Variants in VCF1 observed in about 807,000 individuals in gnomAD.
VCF1 encodes the protein protein VCF1.
chr17:73,216,415 G>C, the VCF1 span, among the ~76,000 whole-genome samples: 1 of 152,194 alleles, frequency 6.6e-6, no homozygotes, highest in Non-Finnish European at 1.5e-5. Flanking sequence ...AGGATCCAGA[G>C]AGTAAGGGAG....
chr17:73,210,748 T>C, the VCF1 span, among the ~76,000 whole-genome samples: 5 of 142,690 alleles, frequency 3.5e-5, no homozygotes, highest in South Asian at 1.1e-3. Flanking sequence ...TACGCCACCA[T>C]GCCTCGTTAT....
At chr17:73,219,281 A>G in the VCF1 span, among the ~76,000 whole-genome samples, 1 of 151,888 alleles carries the variant, frequency 6.6e-6, no homozygotes, top group Non-Finnish European at 1.5e-5. Flanking sequence ...TCAAGGACTT[A>G]AACTGTAAGC....
At chr17:73,227,091 T>C in the VCF1 span, 1 of 1,099,800 alleles carries the variant, frequency 9.1e-7, no homozygotes. Context: ...TTAAGTAAAT[T>C]TAATTACACA....
the VCF1 span, among the ~76,000 whole-genome samples, chr17:73,223,104 G>A: frequency 8.5e-5 from 13 of 152,328 alleles, no homozygotes; most frequent in African/African-American, 3.1e-4. Flanking sequence ...GATCACCTGA[G>A]GTCAGGAATT....
chr17:73,225,352 CTAAA>C, the VCF1 span, among the ~76,000 whole-genome samples: 1,530 of 152,016 alleles, frequency 0.01, 31 homozygotes, highest in African/African-American at 0.035. Context: ...GTACCAAAAA[CTAAA>C]TAAATAAATA....
At chr17:73,223,332 A>G in the VCF1 span, among the ~76,000 whole-genome samples, 1 of 152,300 alleles carries the variant, frequency 6.6e-6, no homozygotes, top group South Asian at 2.1e-4. Context: ...AACAATAAAC[A>G]ATAAAAAAAT....
chr17:73,208,233 C>A, the VCF1 span: 8 of 1,606,202 alleles, frequency 5.0e-6, no homozygotes, highest in Non-Finnish European at 6.8e-6. Flanking sequence ...CGTGTGGACT[C>A]CGAGTGGCGT....
the VCF1 span, chr17:73,229,327 T>C: frequency 3.0e-6 from 3 of 985,468 alleles, no homozygotes; most frequent in Non-Finnish European, 3.6e-6. Context: ...CTGGCAAGAT[T>C]ACAGCTTCAT....
chr17:73,219,792 G>A, the VCF1 span, among the ~76,000 whole-genome samples: 11 of 152,140 alleles, frequency 7.2e-5, no homozygotes, highest in African/African-American at 2.7e-4. Context: ...GGGCAACATG[G>A]TGAAAACCTG....
the VCF1 span, among the ~76,000 whole-genome samples, chr17:73,219,442 G>T: frequency 3.3e-5 from 5 of 151,828 alleles, no homozygotes; most frequent in Admixed American, 2.6e-4. Context: ...GAGGTCAGGA[G>T]ATTGAGACCA....
the VCF1 span, among the ~76,000 whole-genome samples, chr17:73,214,926 C>T: frequency 1.4e-4 from 21 of 152,350 alleles, no homozygotes; most frequent in Non-Finnish European, 1.9e-4. Flanking sequence ...ACCAAATCAA[C>T]GGTTACAAAG....
At chr17:73,210,880 T>C in the VCF1 span, among the ~76,000 whole-genome samples, 1 of 151,752 alleles carries the variant, frequency 6.6e-6, no homozygotes, top group Non-Finnish European at 1.5e-5. Context: ...GCAGGAAAGA[T>C]TACAGGCATG....
At chr17:73,227,224 G>T in the VCF1 span, 6 of 1,581,856 alleles carry the variant, frequency 3.8e-6, no homozygotes, top group Non-Finnish European at 5.2e-6. Context: ...GTCTGGGGGG[G>T]AAGATGGTTG....
the VCF1 span, chr17:73,212,627 C>A: frequency 1.4e-6 from 2 of 1,476,980 alleles, no homozygotes; most frequent in Non-Finnish European, 1.9e-6. Flanking sequence ...TTGCACCTTG[C>A]GAATCATGAA....
the VCF1 span, among the ~76,000 whole-genome samples, chr17:73,224,870 G>GCACAGCACAGCACAGC: frequency 2.2e-5 from 1 of 46,488 alleles, no homozygotes; most frequent in African/African-American, 7.3e-5. Flanking sequence ...GACAGCACAG[G>GCACAGCACAGCACAGC]ACAGGACAGC....
At chr17:73,228,995 T>C in the VCF1 span, among the ~76,000 whole-genome samples, 3 of 152,188 alleles carry the variant, frequency 2.0e-5, no homozygotes, top group South Asian at 6.2e-4. Flanking sequence ...TCTCCTCATT[T>C]ATAATGGGGG....
chr17:73,221,744 TAGCCA>T, the VCF1 span, among the ~76,000 whole-genome samples: 1 of 151,864 alleles, frequency 6.6e-6, no homozygotes, highest in Non-Finnish European at 1.5e-5. Context: ...ATTTTAAAAC[TAGCCA>T]GGTGGGCCGG....
At chr17:73,227,515 T>A in the VCF1 span, 98 of 705,864 alleles carry the variant, frequency 1.4e-4, 1 homozygote, top group South Asian at 2.1e-3. Flanking sequence ...AGCTTAACAA[T>A]TTTAAATGTC....
chr17:73,220,368 T>G, the VCF1 span, among the ~76,000 whole-genome samples: 3 of 152,188 alleles, frequency 2.0e-5, no homozygotes, highest in African/African-American at 7.2e-5. Context: ...TCCCTTAGGA[T>G]TTTAATATTA....
Sources: allele counts gnomAD v4.1 joint callset (sites outside exome capture counted in the v4.1 genomes callset), GRCh38; gene constraint gnomAD v4.1.1; transcripts MANE v1.5; gene names NCBI Gene and HGNC (gene_info 2026-07-23, HGNC 2026-07-21).